The following FSCN1 variants were observed in gnomAD, a reference collection of about 807,000 sequenced individuals.
FSCN1 encodes fascin actin-bundling protein 1, also known as fascin.
In FSCN1, 10 loss-of-function variants were observed where a neutral mutation model predicts 39.7. That is an observed-to-expected ratio of 0.25 (90% confidence interval 0.16 to 0.43). The LOEUF (loss-of-function observed/expected upper bound fraction) is 0.43, where lower values mean the gene tolerates loss of function less well. FSCN1 is among the 20% of genes least tolerant of loss of function. FSCN1 has a pLI of 1.00. For synonymous variants in FSCN1, 322 were observed against 320.0 expected (o/e 1.01, Z -0.07); for missense variants, 525 against 723.8 (o/e 0.73, Z 3.15).
chr7:5,597,894 C>G (rs1785759916), intron 1 of FSCN1, among the ~76,000 whole-genome samples: 1 of 152,070 alleles, frequency 6.6e-6, no homozygotes, highest in Non-Finnish European at 1.5e-5. Context: ...CTCCTGGCTC[C>G]CGGGGGCTTC....
chr7:5,605,192 A>T lies in FSCN1; in HGVS notation c.1280-80A>T. 9.5e-7 allele frequency: 1 copy of T among 1,055,926 alleles called. No individual in the cohort carries two copies. Among genetic ancestry groups the T allele is most frequent in the Non-Finnish European group, 1.4e-6 (1 of 692,310 alleles). The allele number at this position is 1,055,926 out of a possible 1,614,324, so 65.4% of individuals were successfully genotyped here. On this transcript the variant is annotated intron_variant, in intron 4 of 4. Coordinates refer to ENST00000382361, the MANE Select transcript of FSCN1 (RefSeq NM_003088.4). This position sits in a 1 kb window ranked among gnomAD's most constrained non-coding sequence, Gnocchi z 6.9. ...AGGGTGGGGCGTCACCCTTGGGAAC[A>T]CCCGTGCCCACCCTCCGCTGCCCAG...
intron 1 of FSCN1, among the ~76,000 whole-genome samples, chr7:5,597,472 G>T (rs1008889301): frequency 1.3e-5 from 2 of 152,208 alleles, no homozygotes; most frequent in African/African-American, 4.8e-5. Context: ...TTTGAGACCA[G>T]TCTGACCAAC....
intron 4 of FSCN1, 27 bp downstream of exon 4, chr7:5,604,057 G>A: frequency 6.2e-7 from 1 of 1,607,668 alleles, no homozygotes; most frequent in East Asian, 2.2e-5. Context: ...GCAGCTGCTG[G>A]GCAGGGAACC....
chr7:5,595,986 G>A (rs117041524), intron 1 of FSCN1, among the ~76,000 whole-genome samples: 2,823 of 151,962 alleles, frequency 0.019, 41 homozygotes, highest in Non-Finnish European at 0.03. Context: ...AGGAGAGGTG[G>A]TGGTGATGGC....
chr7:5,599,780 C>G lies in FSCN1; in HGVS notation c.833-3477C>G, dbSNP rs1369860303. On this transcript the variant is annotated intron_variant, in intron 1 of 4. Coordinates refer to ENST00000382361, the MANE Select transcript of FSCN1 (RefSeq NM_003088.4). This position sits in a 1 kb window ranked among gnomAD's most constrained non-coding sequence, Gnocchi z 5.6. ...ATGCTTGGGCCACTTGCACTCCAGC[C>G]TGGGCAACAGAGCAAGACCCTATCT... is the stretch of plus-strand genomic sequence containing the variant. Among the ~76,000 whole-genome samples the G allele has an allele frequency of 2.6e-5, 4 of 152,016 alleles. No individual in the cohort carries two copies. The highest frequency in any genetic ancestry group is 9.7e-5 in the African/African-American group (4 of 41,374).
rs1785920956 is a variant in FSCN1, at chr7:5,605,637, G to T, written c.*163G>T. The T allele has an allele frequency of 4.9e-6, 3 of 610,194 alleles. No homozygotes were observed. In the African/African-American group the frequency reaches 5.5e-5, roughly 11 times the overall value. The allele number at this position is 610,194 out of a possible 1,614,324, so 37.8% of individuals were successfully genotyped here. ...GGTGCCCCCACCTGTCGCCCCTATG[G>T]ACTCCCCACTCTCCCCTCCGCCCGG... On this transcript the variant is annotated 3_prime_UTR_variant, in exon 5 of 5. Transcript: ENST00000382361. The surrounding 1 kb of genome is among the most constrained non-coding windows in gnomAD (Gnocchi z 6.9).
intron 1 of FSCN1, among the ~76,000 whole-genome samples, chr7:5,600,404 A>T (rs2966447): frequency 0.094 from 14,294 of 151,776 alleles, 784 homozygotes; most frequent in East Asian, 0.14. Flanking sequence ...ACACAGCGAG[A>T]CTCTCTTTCT....
Position 5,592,935 on chromosome 7 carries a change from C to T in FSCN1, c.-2C>T. The stretch of plus-strand genomic sequence containing the variant: ...CGCAGCGGCCTCTCGTCTACTGCCA[C>T]CATGACCGCCAACGGCACAGCCGAG... On this transcript the variant is annotated 5_prime_UTR_variant, in exon 1 of 5. Transcript: ENST00000382361. This position sits in a 1 kb window ranked among gnomAD's most constrained non-coding sequence, Gnocchi z 5.3. 1 of 1,515,546 alleles carries T rather than the reference C, an allele frequency of 6.6e-7. No individual in the cohort carries two copies. The highest frequency in any genetic ancestry group is 8.8e-7 in the Non-Finnish European group (1 of 1,130,300). The allele number at this position is 1,515,546 out of a possible 1,614,324, so 93.9% of individuals were successfully genotyped here.
rs1347374355 is a variant in FSCN1, at chr7:5,601,947, A to T, written c.833-1310A>T. The stretch of plus-strand genomic sequence containing the variant: ...TTTTTTTGTTTTAGAGACAGGGCTT[A>T]AAAAAAAATTTTTTTTTTTTTTTTG... On this transcript the variant is annotated intron_variant, in intron 1 of 4. Coordinates refer to ENST00000382361, the MANE Select transcript of FSCN1 (RefSeq NM_003088.4). Among the ~76,000 whole-genome samples, 154 of 147,898 alleles carry T rather than the reference A, an allele frequency of 1.0e-3. 1 individual carries two copies. The highest frequency in any genetic ancestry group is 3.5e-3 in the African/African-American group (140 of 39,508).
At position 5,605,495 on chromosome 7, in the gene FSCN1, C is replaced by G. The variant is rs1275424422; in HGVS notation, c.*21C>G. 2 of 1,509,962 alleles carry G rather than the reference C, an allele frequency of 1.3e-6. No individual in the cohort carries two copies. Among genetic ancestry groups the G allele is most frequent in the African/African-American group, 1.4e-5 (1 of 72,436 alleles). 93.5% of individuals were successfully genotyped at this position (1,509,962 alleles called of 1,614,324 possible). On this transcript the variant is annotated 3_prime_UTR_variant, in exon 5 of 5. Coordinates refer to ENST00000382361, the MANE Select transcript of FSCN1 (RefSeq NM_003088.4). The surrounding 1 kb of genome is among the most constrained non-coding windows in gnomAD (Gnocchi z 6.9). ...ACTAGGGCCGGCCCGTCCTTCCCCG[C>G]CCCTGCCCACATGGCGGCTCCTGCC...
chr7:5,605,233 C>T lies in FSCN1; in HGVS notation c.1280-39C>T. On this transcript the variant is annotated intron_variant, in intron 4 of 4. Coordinates refer to ENST00000382361, the MANE Select transcript of FSCN1 (RefSeq NM_003088.4). The surrounding 1 kb of genome is among the most constrained non-coding windows in gnomAD (Gnocchi z 6.9). ...CGCTGCCCAGGGTAGGGGTGGGGAGCCAGGCTTTGGGCCCCACTTGATAAA... is the reference window on the plus strand; with the variant it reads ...CGCTGCCCAGGGTAGGGGTGGGGAGTCAGGCTTTGGGCCCCACTTGATAAA... 6.6e-7 allele frequency: 1 copy of T among 1,516,886 alleles called. No homozygotes were observed. The highest frequency in any genetic ancestry group is 9.1e-7 in the Non-Finnish European group (1 of 1,094,598). 94.0% of individuals were successfully genotyped at this position (1,516,886 alleles called of 1,614,324 possible).
intron 1 of FSCN1, among the ~76,000 whole-genome samples, chr7:5,597,592 G>T (rs748732550): frequency 2.0e-5 from 3 of 151,880 alleles, no homozygotes; most frequent in African/African-American, 7.3e-5. Context: ...CCTTGAACCC[G>T]GGAGGCGGAA....
chr7:5,597,718 T>A (rs1295508972), intron 1 of FSCN1, among the ~76,000 whole-genome samples: 1 of 144,440 alleles, frequency 6.9e-6, no homozygotes, highest in Non-Finnish European at 1.5e-5. Flanking sequence ...AACAAAAAAC[T>A]GTAATTAAAA....
At position 5,592,830 on chromosome 7, in the gene FSCN1, A is replaced by T. The variant is rs1461841143; in HGVS notation, c.-107A>T. 17 of 642,494 alleles carry T rather than the reference A, an allele frequency of 2.6e-5. No individual in the cohort carries two copies. The South Asian group carries it at 3.5e-4, about 13-fold the overall frequency. The allele number at this position is 642,494 out of a possible 1,614,324, so 39.8% of individuals were successfully genotyped here. On this transcript the variant is annotated 5_prime_UTR_variant, in exon 1 of 5. Coordinates refer to ENST00000382361, the MANE Select transcript of FSCN1 (RefSeq NM_003088.4). This position sits in a 1 kb window ranked among gnomAD's most constrained non-coding sequence, Gnocchi z 5.3. ...AGCTGGGCTTTGTGGAGCGCTGCGG[A>T]GGGTGCGTGCGGGCCGCGGCAGCCG...
chr7:5,605,689 C>T lies in FSCN1; in HGVS notation c.*215C>T. ...TTCCCTACTCCCCTCGGGTCAGCGG[C>T]TGCGGCCTGGCCCTGGGAGGGATTT... On this transcript the variant is annotated 3_prime_UTR_variant, in exon 5 of 5. Coordinates refer to ENST00000382361, the MANE Select transcript of FSCN1 (RefSeq NM_003088.4). The surrounding 1 kb of genome is among the most constrained non-coding windows in gnomAD (Gnocchi z 6.9). The T allele has an allele frequency of 3.6e-6, 2 of 549,842 alleles. No individual in the cohort carries two copies. Among genetic ancestry groups the T allele is most frequent in the Non-Finnish European group, 6.4e-6 (2 of 310,696 alleles). 34.1% of individuals were successfully genotyped at this position (549,842 alleles called of 1,614,324 possible). A position where few individuals can be genotyped will look rare whatever the true frequency, so the allele number is the denominator to read the frequency against.
chr7:5,604,369 T>A (rs1785894052), intron 4 of FSCN1, among the ~76,000 whole-genome samples: 1 of 151,806 alleles, frequency 6.6e-6, no homozygotes, highest in Non-Finnish European at 1.5e-5. Flanking sequence ...GGGGAGGTTC[T>A]GGAAAGGGTG....
rs556902062 is a variant in FSCN1, at chr7:5,597,856, C to T, written c.832+4088C>T. On this transcript the variant is annotated intron_variant, in intron 1 of 4. Coordinates refer to ENST00000382361, the MANE Select transcript of FSCN1 (RefSeq NM_003088.4). The stretch of plus-strand genomic sequence containing the variant: ...TCTGGAAGGAGGAGGGAGAGGTACC[C>T]GTGGGCCCGGCACAGGAGACTCTTA... Among the ~76,000 whole-genome samples, 41 of 152,168 alleles carry T rather than the reference C, an allele frequency of 2.7e-4. 2 individuals are homozygous for T. In the South Asian group the frequency reaches 7.7e-3, roughly 28 times the overall value.
At chr7:5,596,157 G>A (rs1009948477) in intron 1 of FSCN1, among the ~76,000 whole-genome samples, 3 of 151,798 alleles carry the variant, frequency 2.0e-5, no homozygotes, top group African/African-American at 4.8e-5. Context: ...AGGGGTGGGC[G>A]TGGGGGGCGT....
At chr7:5,595,637 T>C (rs1392495611) in intron 1 of FSCN1, among the ~76,000 whole-genome samples, 1 of 152,182 alleles carries the variant, frequency 6.6e-6, no homozygotes, top group Admixed American at 6.5e-5. Flanking sequence ...ACCAGCGTTG[T>C]AGGCTGTGGG....
Sources: allele counts gnomAD v4.1 joint callset (sites outside exome capture counted in the v4.1 genomes callset), GRCh38; gene constraint gnomAD v4.1.1; non-coding constraint Gnocchi (gnomAD v3.1); transcripts MANE v1.5; gene names NCBI Gene and HGNC (gene_info 2026-07-23, HGNC 2026-07-21).